The following HS6ST3 variants were observed in gnomAD, a reference collection of about 807,000 sequenced individuals.
HS6ST3 encodes heparan-sulfate 6-O-sulfotransferase 3.
A neutral mutation model predicts 36.7 loss-of-function variants in HS6ST3; 12 were observed. That is an observed-to-expected ratio of 0.33 (90% confidence interval 0.21 to 0.53). The LOEUF (loss-of-function observed/expected upper bound fraction) is 0.53, where lower values mean the gene tolerates loss of function less well. Ranked by LOEUF, HS6ST3 falls within the 20% of genes least tolerant of loss-of-function variation. The probability of loss-of-function intolerance (pLI) is 0.95; values close to 1 mark genes in which losing one functional copy is unlikely to be tolerated. For missense variants in HS6ST3, 584 were observed against 640.9 expected (o/e 0.91, Z 0.96); for synonymous variants, 240 against 257.5 (o/e 0.93, Z 0.65).
chr13:96,356,676 A>G (rs564450146), intron 1 of HS6ST3, among the ~76,000 whole-genome samples: 1 of 152,334 alleles, frequency 6.6e-6, no homozygotes, highest in East Asian at 1.9e-4. Context: ...CCACTAATAG[A>G]GCACAGGTAG....
chr13:96,696,090 A>G (rs574593408), intron 1 of HS6ST3, among the ~76,000 whole-genome samples: 1 of 152,308 alleles, frequency 6.6e-6, no homozygotes, highest in South Asian at 2.1e-4. Flanking sequence ...AAATTGTAGG[A>G]GATATGTATT....
Position 96,212,576 on chromosome 13 carries a change from A to G in HS6ST3, c.707+121007A>G, listed in dbSNP as rs145723714. On this transcript the variant is annotated intron_variant, in intron 1 of 1. Coordinates refer to ENST00000376705, the MANE Select transcript of HS6ST3 (RefSeq NM_153456.4). The stretch of plus-strand genomic sequence containing the variant: ...GTTGGAAGTCCAGGCACCTTGGCTC[A>G]TGCCTGTAATCCTAGCACTTTGGGT... Among the ~76,000 whole-genome samples, 33 of 152,360 alleles carry G rather than the reference A, an allele frequency of 2.2e-4. No individual in the cohort carries two copies. The East Asian group carries it at 6.4e-3, about 29-fold the overall frequency.
intron 1 of HS6ST3, among the ~76,000 whole-genome samples, chr13:96,351,781 G>A (rs1336533487): frequency 6.6e-6 from 1 of 152,166 alleles, no homozygotes. Context: ...ATGGAAAATA[G>A]AAGGTGAAAT....
chr13:96,411,430 G>A (rs2055506761), intron 1 of HS6ST3, among the ~76,000 whole-genome samples: 5 of 152,190 alleles, frequency 3.3e-5, no homozygotes, highest in Admixed American at 2.6e-4. Context: ...ATTTACAAAG[G>A]TTGAGATGGG....
chr13:96,279,469 G>A (rs946433692), intron 1 of HS6ST3, among the ~76,000 whole-genome samples: 10 of 152,158 alleles, frequency 6.6e-5, no homozygotes, highest in African/African-American at 2.2e-4. Context: ...TAAGTGATAC[G>A]AAGGAGCAAG....
chr13:96,095,817 T>G (rs2053787445), intron 1 of HS6ST3, among the ~76,000 whole-genome samples: 1 of 151,644 alleles, frequency 6.6e-6, no homozygotes, highest in South Asian at 2.1e-4. Context: ...GAGAGAGAGA[T>G]AAGGTTATCT....
rs1402490862 is a variant in HS6ST3 at position 96,330,196 on chromosome 13, T to G, written c.707+238627T>G. Among the ~76,000 whole-genome samples, 499 of 147,652 alleles carry G rather than the reference T, an allele frequency of 3.4e-3. 6 individuals are homozygous for G. The highest frequency in any genetic ancestry group is 0.012 in the African/African-American group (474 of 40,242). On this transcript the variant is annotated intron_variant, in intron 1 of 1. Coordinates refer to ENST00000376705, the MANE Select transcript of HS6ST3 (RefSeq NM_153456.4). ...AGTCCATTTACATTTAAAGTTAATA[T>G]TGTTATGTGTGAATTTGATCCTGTC...
At chr13:96,589,136 A>G (rs2056373725) in intron 1 of HS6ST3, among the ~76,000 whole-genome samples, 1 of 151,850 alleles carries the variant, frequency 6.6e-6, no homozygotes, top group Non-Finnish European at 1.5e-5. Flanking sequence ...TTCTTCATTA[A>G]ATGTTTGATA....
chr13:96,793,445 C>T (rs1877837985), intron 1 of HS6ST3, among the ~76,000 whole-genome samples: 1 of 151,922 alleles, frequency 6.6e-6, no homozygotes, highest in African/African-American at 2.4e-5. Context: ...TGAAATTAGC[C>T]AAGGTATTAA....
intron 1 of HS6ST3, among the ~76,000 whole-genome samples, chr13:96,279,381 A>G (rs1289959087): frequency 6.6e-6 from 1 of 152,196 alleles, no homozygotes; most frequent in Non-Finnish European, 1.5e-5. Flanking sequence ...AACAAGGTAT[A>G]TATGGTCTCT....
At chr13:96,221,573 A>C (rs2054455654) in intron 1 of HS6ST3, among the ~76,000 whole-genome samples, 1 of 152,166 alleles carries the variant, frequency 6.6e-6, no homozygotes, top group Non-Finnish European at 1.5e-5. Flanking sequence ...TGAGTGCTCT[A>C]AAGTCCATTC....
At chr13:96,392,832 C>A (rs948145672) in intron 1 of HS6ST3, among the ~76,000 whole-genome samples, 44 of 152,252 alleles carry the variant, frequency 2.9e-4, no homozygotes, top group African/African-American at 9.9e-4. Context: ...ATCCTGGGAG[C>A]TGTGGCAGAC....
intron 1 of HS6ST3, among the ~76,000 whole-genome samples, chr13:96,430,632 T>C (rs1411639338): frequency 3.9e-5 from 6 of 152,170 alleles, no homozygotes; most frequent in Non-Finnish European, 8.8e-5. Context: ...CTTTACCACC[T>C]GGACTTCCAG....
intron 1 of HS6ST3, among the ~76,000 whole-genome samples, chr13:96,256,104 G>A (rs1175185631): frequency 1.3e-5 from 2 of 152,158 alleles, no homozygotes; most frequent in Non-Finnish European, 1.5e-5. Context: ...GAAAAGATCA[G>A]CGAAATATTC....
chr13:96,168,081 T>C (rs1176069178), intron 1 of HS6ST3, among the ~76,000 whole-genome samples: 1 of 152,216 alleles, frequency 6.6e-6, no homozygotes, highest in Middle Eastern at 3.2e-3. Flanking sequence ...CTAGTTGCCT[T>C]GGTTACTCTT....
chr13:96,773,342 G>T (rs1441433571), intron 1 of HS6ST3, among the ~76,000 whole-genome samples: 1 of 152,180 alleles, frequency 6.6e-6, no homozygotes, highest in Non-Finnish European at 1.5e-5. Context: ...CTGGAAAGGG[G>T]GCTGAAGCCA....
intron 1 of HS6ST3, among the ~76,000 whole-genome samples, chr13:96,250,412 G>A (rs1343735386): frequency 6.6e-6 from 1 of 152,164 alleles, no homozygotes; most frequent in African/African-American, 2.4e-5. Flanking sequence ...TTACCTGGTG[G>A]GCCTTGGATC....
At chr13:96,168,298 C>A (rs1034891227) in intron 1 of HS6ST3, among the ~76,000 whole-genome samples, 3 of 152,142 alleles carry the variant, frequency 2.0e-5, no homozygotes, top group African/African-American at 7.2e-5. Context: ...CGAGTCCTTT[C>A]CTGAATGTTT....
At chr13:96,499,344 A>C (rs1484400345) in intron 1 of HS6ST3, among the ~76,000 whole-genome samples, 1 of 152,108 alleles carries the variant, frequency 6.6e-6, no homozygotes, top group Non-Finnish European at 1.5e-5. Context: ...ACATTTCTTC[A>C]ACAAATGATC....
Sources: allele counts gnomAD v4.1 joint callset (sites outside exome capture counted in the v4.1 genomes callset), GRCh38; gene constraint gnomAD v4.1.1; transcripts MANE v1.5; gene names NCBI Gene and HGNC (gene_info 2026-07-23, HGNC 2026-07-21).